Variants in ZZEF1 observed in about 807,000 individuals in gnomAD.
The protein encoded by ZZEF1 is zinc finger ZZ-type and EF-hand domain-containing protein 1.
ZZEF1 carries 157 observed loss-of-function variants against 342.8 expected under a neutral mutation model. That is an observed-to-expected ratio of 0.46 (90% CI 0.40 to 0.52). The LOEUF (loss-of-function observed/expected upper bound fraction) is 0.52, where lower values mean the gene tolerates loss of function less well. Among genes scored for constraint, ZZEF1 ranks in the 20% least tolerant of loss-of-function variants. The pLI, the probability that ZZEF1 is intolerant of heterozygous loss-of-function variation, is 0.00. For missense variants in ZZEF1, 3,480 were observed against 3,725.6 expected (o/e 0.93, Z 1.72); for synonymous variants, 1,505 against 1,429.1 (o/e 1.05, Z -1.20).
In ZZEF1 at chr17:4,017,394, C is replaced by T; in HGVS notation, c.7978G>A (p.Glu2660Lys). The stretch of plus-strand genomic sequence containing the variant: ...ACCTTCTCCCACTCATGCTTTTCTT[C>T]CAGCTGCATGAACATATCCAAAATG... ...TYILDMFMQLEEKHEWEKILQ... is the reference protein window; with the variant it reads ...TYILDMFMQLKEKHEWEKILQ... The change falls in exon 48 of 55, where the codon GAA becomes AAA. Residue 2660 changes from glutamate to lysine, a missense_variant. By Grantham distance (56) the Glu-to-Lys change is moderately conservative (BLOSUM62 1). Coordinates refer to ENST00000381638, the MANE Select transcript of ZZEF1 (RefSeq NM_015113.4). The surrounding 1 kb of genome is among the most constrained non-coding windows in gnomAD (Gnocchi z 5.1). The T allele has an allele frequency of 6.2e-7, 1 of 1,600,254 alleles. No individual in the cohort carries two copies. Among genetic ancestry groups the T allele is most frequent in the Non-Finnish European group, 8.6e-7 (1 of 1,169,312 alleles).
chr17:4,048,891 T>TC (rs2056984359), intron 37 of ZZEF1, among the ~76,000 whole-genome samples: 1 of 149,524 alleles, frequency 6.7e-6, no homozygotes, highest in South Asian at 2.1e-4. Context: ...TTTTTTTTTT[T>TC]GTATTTTTAG....
chr17:4,115,753 G>T (rs547482017), intron 3 of ZZEF1, among the ~76,000 whole-genome samples: 7 of 152,288 alleles, frequency 4.6e-5, no homozygotes, highest in African/African-American at 1.7e-4. Flanking sequence ...TTAGTCAATT[G>T]TATCTGTAAT....
At chr17:4,097,768 A>G (rs2058061713) in intron 9 of ZZEF1, among the ~76,000 whole-genome samples, 1 of 152,030 alleles carries the variant, frequency 6.6e-6, no homozygotes, top group African/African-American at 2.4e-5. Flanking sequence ...TGTTTGTAAC[A>G]TCTTACTGGT....
In ZZEF1 at chr17:4,044,330, C is replaced by T; in HGVS notation, c.6060G>A (p.Lys2020=). Residue 2020 remains lysine (K), a synonymous_variant, in exon 38 of 55, where the codon AAG becomes AAA. Coordinates refer to ENST00000381638, the MANE Select transcript of ZZEF1 (RefSeq NM_015113.4). ...CACCTTTATCTGCCTTATTTCTCTG[C>T]TTGAAATCTACAGGTCTGATTTCCT... The part of the protein sequence containing the change: ...VHEEIRPVDF[K]QRNKADKGVS... 5.6e-6 allele frequency: 9 copies of T among 1,614,014 alleles called. No individual in the cohort carries two copies. The highest frequency in any genetic ancestry group is 7.6e-6 in the Non-Finnish European group (9 of 1,179,960).
chr17:4,129,948 T>C (rs2058637223), intron 1 of ZZEF1, among the ~76,000 whole-genome samples: 2 of 151,912 alleles, frequency 1.3e-5, no homozygotes, highest in Middle Eastern at 3.4e-3. Flanking sequence ...CACTTACAAG[T>C]GGGAGCTAAA....
At chr17:4,138,836 C>T (rs1343534219) in intron 1 of ZZEF1, among the ~76,000 whole-genome samples, 8 of 152,150 alleles carry the variant, frequency 5.3e-5, no homozygotes, top group African/African-American at 1.9e-4. Flanking sequence ...ATTCTATTTC[C>T]CCTCTACATG....
At chr17:4,075,764 T>C (rs2057599957) in intron 21 of ZZEF1, among the ~76,000 whole-genome samples, 1 of 149,948 alleles carries the variant, frequency 6.7e-6, no homozygotes, top group African/African-American at 2.5e-5. Context: ...CTCACATTCC[T>C]ACCTGGGACA....
intron 2 of ZZEF1, among the ~76,000 whole-genome samples, chr17:4,119,226 C>T (rs1290634367): frequency 5.3e-5 from 8 of 152,226 alleles, no homozygotes. Flanking sequence ...CTTGGTTAAG[C>T]TTACGATAAT....
intron 6 of ZZEF1, among the ~76,000 whole-genome samples, chr17:4,106,949 G>A (rs1007998969): frequency 1.1e-4 from 16 of 152,088 alleles, no homozygotes; most frequent in South Asian, 4.1e-4. Context: ...CTGTCAGCTC[G>A]CACTCTGCCC....
chr17:4,050,225 G>A (rs1246715042), intron 36 of ZZEF1, among the ~76,000 whole-genome samples: 1 of 152,190 alleles, frequency 6.6e-6, no homozygotes, highest in East Asian at 1.9e-4. Flanking sequence ...CTAAGGTGCT[G>A]GCGTTACCCA....
chr17:4,068,617 A>G (rs1010723973), intron 26 of ZZEF1, among the ~76,000 whole-genome samples: 9 of 152,214 alleles, frequency 5.9e-5, no homozygotes, highest in African/African-American at 2.2e-4. Flanking sequence ...AGAAAGATCT[A>G]TGAGGCTTGC....
rs899808736 is a variant in ZZEF1, at chr17:4,109,935, G to T, written c.1067-72C>A. On this transcript the variant is annotated intron_variant, in intron 5 of 54. Transcript: ENST00000381638. ...GCAAATGCTGGGCTCCCAACTAAAA[G>T]CAAAATAGTAATAGACATTTTGAAA... The T allele has an allele frequency of 2.1e-6, 3 of 1,449,058 alleles. No homozygotes were observed. In the East Asian group the frequency reaches 6.8e-5, roughly 33 times the overall value. The allele number at this position is 1,449,058 out of a possible 1,614,324, so 89.8% of individuals were successfully genotyped here. A position where few individuals can be genotyped will look rare whatever the true frequency, so the allele number is the denominator to read the frequency against.
chr17:4,113,166 A>T (rs1164339113), intron 4 of ZZEF1, among the ~76,000 whole-genome samples: 2 of 152,228 alleles, frequency 1.3e-5, no homozygotes, highest in African/African-American at 2.4e-5. Context: ...AGATGTCTAA[A>T]GGTCAAATGT....
intron 37 of ZZEF1, among the ~76,000 whole-genome samples, chr17:4,046,743 A>G (rs1158202666): frequency 6.6e-6 from 1 of 152,200 alleles, no homozygotes; most frequent in African/African-American, 2.4e-5. Flanking sequence ...AGACAATATA[A>G]TTCCCAAGTT....
In ZZEF1 at chr17:4,059,645, T is replaced by C. The variant is rs527929715; in HGVS notation, c.4884-355A>G. Among the ~76,000 whole-genome samples, 3 of 152,262 alleles carry C rather than the reference T, an allele frequency of 2.0e-5. No homozygotes were observed. The East Asian group carries it at 5.8e-4, about 29-fold the overall frequency. ...ACACAATCACGCTCACCCCTCTGCC[T>C]CCCTTCATTGATGACTTTGGCACCA... On this transcript the variant is annotated intron_variant, in intron 30 of 54. Coordinates refer to ENST00000381638, the MANE Select transcript of ZZEF1 (RefSeq NM_015113.4).
At chr17:4,064,110 A>G (rs1051099762) in intron 29 of ZZEF1, among the ~76,000 whole-genome samples, 1 of 151,364 alleles carries the variant, frequency 6.6e-6, no homozygotes, top group African/African-American at 2.4e-5. Context: ...TGAATTCCTG[A>G]TCCCAAGTGA....
At chr17:4,107,153 A>G (rs1428373867) in intron 6 of ZZEF1, among the ~76,000 whole-genome samples, 1 of 152,138 alleles carries the variant, frequency 6.6e-6, no homozygotes, top group African/African-American at 2.4e-5. Context: ...CCTCATTGAT[A>G]TTTTTTCAAT....
At position 4,122,381 on chromosome 17, in the gene ZZEF1, C is replaced by CT. The variant is rs778829771; in HGVS notation, c.499+1525dup. Among the ~76,000 whole-genome samples the CT allele has an allele frequency of 1.6e-3, 225 of 144,984 alleles. 1 individual carries two copies. The highest frequency in any genetic ancestry group is 1.8e-3 in the Non-Finnish European group (120 of 65,624). On this transcript the variant is annotated intron_variant, in intron 2 of 54. Coordinates refer to ENST00000381638, the MANE Select transcript of ZZEF1 (RefSeq NM_015113.4). Reference sequence around the variant, plus strand: ...TACAAAAACACAGGCCATGTCTTTTCTTTTTTTTTTTTTCCAGACGGAGTT... The same window carrying CT: ...TACAAAAACACAGGCCATGTCTTTTCTTTTTTTTTTTTTTCCAGACGGAGTT...
chr17:4,055,237 C>T (rs2057132366), intron 33 of ZZEF1, among the ~76,000 whole-genome samples: 1 of 152,204 alleles, frequency 6.6e-6, no homozygotes, highest in South Asian at 2.1e-4. Flanking sequence ...CTTACAACTA[C>T]AGAACTCCCA....
Sources: allele counts gnomAD v4.1 joint callset (sites outside exome capture counted in the v4.1 genomes callset), GRCh38; gene constraint gnomAD v4.1.1; non-coding constraint Gnocchi (gnomAD v3.1); transcripts MANE v1.5; gene names NCBI Gene and HGNC (gene_info 2026-07-23, HGNC 2026-07-21).